Variants in THTPA observed in about 807,000 individuals in gnomAD.
THTPA encodes thiamine triphosphatase, also known as thiamine-triphosphatase.
Under a neutral mutation model 16.5 loss-of-function variants are expected in THTPA, and 16 were observed. The ratio of observed to expected loss-of-function variants is 0.97; its 90% CI spans 0.66 to 1.47. The LOEUF is 1.47. Among genes scored for constraint, THTPA ranks in the 40% most tolerant of loss-of-function variants. The pLI is 0.00. For missense variants in THTPA, 281 were observed against 280.9 expected (o/e 1.00, Z 0.00); for synonymous variants, 110 against 115.5 (o/e 0.95, Z 0.30).
the THTPA span, chr14:23,527,891 GC>G: frequency 1.2e-6 from 1 of 868,318 alleles, no homozygotes; most frequent in Non-Finnish European, 1.7e-6. Flanking sequence ...GCACTGGCCC[GC>G]CCCCACTCCT....
the THTPA span, chr14:23,528,692 T>G: frequency 1.0e-5 from 10 of 985,292 alleles, no homozygotes; most frequent in African/African-American, 1.7e-5. Context: ...ATTTTCCATC[T>G]TTCTTTTTCC....
chr14:23,525,273 G>A, the THTPA span: 1 of 1,535,968 alleles, frequency 6.5e-7, no homozygotes. This position sits in a 1 kb window ranked among gnomAD's most constrained non-coding sequence, Gnocchi z 5.9. Context: ...CCTGCCTCAG[G>A]CTCTGGGACC....
the THTPA span, chr14:23,522,908 G>A: frequency 2.3e-5 from 33 of 1,466,468 alleles, no homozygotes; most frequent in Middle Eastern, 4.1e-4. Flanking sequence ...GACCGAAGTG[G>A]CGAGGCCGAG....
chr14:23,530,417 T>C, the THTPA span: 3 of 673,500 alleles, frequency 4.5e-6, no homozygotes, highest in Non-Finnish European at 8.0e-6. Context: ...GATCATTTTA[T>C]TAAGAGTCCA....
chr14:23,534,430 C>T, the THTPA span: 56 of 1,536,540 alleles, frequency 3.6e-5, no homozygotes, highest in African/African-American at 1.8e-4. This position sits in a 1 kb window ranked among gnomAD's most constrained non-coding sequence, Gnocchi z 4.5. Flanking sequence ...AGAAGAGGGG[C>T]GAGCAGGGAG....
chr14:23,534,771 G>T, the THTPA span: 1 of 1,536,212 alleles, frequency 6.5e-7, no homozygotes, highest in Non-Finnish European at 8.7e-7. This position sits in a 1 kb window ranked among gnomAD's most constrained non-coding sequence, Gnocchi z 4.5. Context: ...ACAGAATTTG[G>T]TCAGAAGAGC....
the THTPA span, among the ~76,000 whole-genome samples, chr14:23,548,059 C>T: frequency 5.3e-5 from 8 of 152,158 alleles, no homozygotes; most frequent in Non-Finnish European, 8.8e-5. Flanking sequence ...CACACAGCCC[C>T]GATCCCTTCC....
At chr14:23,551,706 T>C (rs2138951525), upstream of THTPA, 1 of 155,160 alleles carries the variant, frequency 6.4e-6, no homozygotes, top group East Asian at 1.9e-4. This position sits in a 1 kb window ranked among gnomAD's most constrained non-coding sequence, Gnocchi z 5.3. Context: ...CTCCTCCTCC[T>C]CGCCCTCACT....
chr14:23,525,765 T>A, the THTPA span: 2 of 1,503,256 alleles, frequency 1.3e-6, no homozygotes, highest in Non-Finnish European at 8.8e-7. The surrounding 1 kb of genome is among the most constrained non-coding windows in gnomAD (Gnocchi z 5.9). Flanking sequence ...GGAGGAGGGG[T>A]GGCAGCTGGC....
the THTPA span, chr14:23,524,091 C>G: frequency 6.5e-7 from 1 of 1,531,090 alleles, no homozygotes; most frequent in Non-Finnish European, 8.7e-7. This position sits in a 1 kb window ranked among gnomAD's most constrained non-coding sequence, Gnocchi z 5.6. Flanking sequence ...GTGCCATCAT[C>G]TACCTTGCCT....
At chr14:23,521,857 C>T in the THTPA span, 506 of 1,475,748 alleles carry the variant, frequency 3.4e-4, 1 homozygote, top group African/African-American at 5.9e-3. Flanking sequence ...GTGAGGTGGG[C>T]GGGGCCAGGG....
the THTPA span, chr14:23,521,646 T>G: frequency 3.3e-6 from 1 of 307,422 alleles, no homozygotes. Flanking sequence ...AAGGATATAT[T>G]TTGTGTGTGG....
the THTPA span, chr14:23,524,682 C>T: frequency 1.3e-6 from 2 of 1,536,184 alleles, no homozygotes; most frequent in African/African-American, 2.7e-5. The surrounding 1 kb of genome is among the most constrained non-coding windows in gnomAD (Gnocchi z 5.6). Flanking sequence ...GGCTCTTTGC[C>T]TCCTGCCTTT....
At chr14:23,539,098 T>C in the THTPA span, among the ~76,000 whole-genome samples, 329 of 152,294 alleles carry the variant, frequency 2.2e-3, 1 homozygote, top group African/African-American at 7.7e-3. Context: ...CAGAGTTCCC[T>C]GCTGCCCCTT....
chr14:23,540,150 C>T, the THTPA span, among the ~76,000 whole-genome samples: 7 of 152,176 alleles, frequency 4.6e-5, no homozygotes, highest in Non-Finnish European at 2.9e-5. Context: ...GCCACCACGC[C>T]CAGCTAATTT....
At chr14:23,555,160 G>T (rs1036240137), upstream of THTPA, among the ~76,000 whole-genome samples, 2 of 152,012 alleles carry the variant, frequency 1.3e-5, no homozygotes, top group African/African-American at 4.8e-5. Flanking sequence ...GCTCATTTTT[G>T]CATTTTTAGT....
chr14:23,524,491 G>T, the THTPA span: 1 of 1,529,748 alleles, frequency 6.5e-7, no homozygotes. The surrounding 1 kb of genome is among the most constrained non-coding windows in gnomAD (Gnocchi z 5.6). Context: ...CTGCCACCAG[G>T]GGGTTTCTCT....
At chr14:23,531,393 T>C in the THTPA span, 1 of 1,329,694 alleles carries the variant, frequency 7.5e-7, no homozygotes, top group African/African-American at 1.5e-5. Flanking sequence ...TTCGCCTTCC[T>C]TGTATCTCTA....
the THTPA span, chr14:23,531,638 G>T: frequency 1.1e-5 from 16 of 1,519,000 alleles, no homozygotes; most frequent in Admixed American, 2.2e-4. Flanking sequence ...CAGCCAAGCG[G>T]GAGGGTGTCT....
Sources: gnomAD v4.1 joint callset for allele counts (sites outside exome capture counted in the v4.1 genomes callset) on GRCh38, gnomAD v4.1.1 for gene constraint, Gnocchi (gnomAD v3.1) non-coding constraint, MANE v1.5 for transcripts, NCBI Gene and HGNC (gene_info 2026-07-23, HGNC 2026-07-21) for gene names.